S100Z: variants seen among roughly 807,000 people sequenced by gnomAD.
The protein encoded by S100Z is protein S100-Z.
S100Z carries 11 observed loss-of-function variants against 8.5 expected under a neutral mutation model. The ratio of observed to expected loss-of-function variants is 1.30; its 90% confidence interval spans 0.82 to 2.15. The LOEUF (loss-of-function observed/expected upper bound fraction) is 2.15. S100Z is among the 30% of genes most tolerant of loss of function. S100Z has a pLI of 0.00. For missense variants in S100Z, 126 were observed against 117.9 expected (o/e 1.07, Z -0.32); for synonymous variants, 34 against 43.8 (o/e 0.78, Z 0.89).
intron 4 of S100Z, among the ~76,000 whole-genome samples, chr5:76,919,080 C>T (rs528904548): frequency 6.6e-6 from 1 of 152,270 alleles, no homozygotes; most frequent in Admixed American, 6.5e-5. Context: ...GTTCATTTAT[C>T]TAATTACCCA....
At chr5:76,931,444 CT>C in the S100Z span, among the ~76,000 whole-genome samples, 1 of 152,062 alleles carries the variant, frequency 6.6e-6, no homozygotes, top group South Asian at 2.1e-4. Context: ...GGACAATAAT[CT>C]CATCATGAGG....
chr5:76,892,107 T>C (rs1237995892), intron 4 of S100Z, among the ~76,000 whole-genome samples: 1 of 152,194 alleles, frequency 6.6e-6, no homozygotes, highest in Non-Finnish European at 1.5e-5. Flanking sequence ...ACTGGAACTC[T>C]GATTGTTAAA....
the S100Z span, among the ~76,000 whole-genome samples, chr5:76,935,930 C>T: frequency 2.6e-5 from 4 of 152,054 alleles, no homozygotes; most frequent in African/African-American, 7.2e-5. Context: ...GTGCACACCA[C>T]CACACCGGGC....
the S100Z span, among the ~76,000 whole-genome samples, chr5:76,928,356 T>C: frequency 0.089 from 13,545 of 152,280 alleles, 1,002 homozygotes; most frequent in African/African-American, 0.2. Context: ...GTAGAATCAA[T>C]TGTAAGTGCC....
chr5:76,854,203 G>A (rs1022694487), intron 1 of S100Z, among the ~76,000 whole-genome samples: 1 of 152,206 alleles, frequency 6.6e-6, no homozygotes, highest in South Asian at 2.1e-4. Context: ...GTACCAAGGA[G>A]TGGGGCATTG....
At chr5:76,933,093 T>G in the S100Z span, among the ~76,000 whole-genome samples, 3 of 152,232 alleles carry the variant, frequency 2.0e-5, no homozygotes, top group Admixed American at 2.0e-4. Flanking sequence ...GATAAAGTTT[T>G]AGAGTCCACA....
chr5:76,906,296 T>G (rs1031999580), intron 4 of S100Z, among the ~76,000 whole-genome samples: 2 of 152,202 alleles, frequency 1.3e-5, no homozygotes, highest in African/African-American at 4.8e-5. Flanking sequence ...ACACTTAAAA[T>G]CTAATCTCTT....
rs1480240813 is a variant in S100Z at position 76,921,321 on chromosome 5, A to G, written c.*607A>G. ...ATAGATTATTTCTAATTTTTCTATT[A>G]ATAATACTAAGGGAGCTTTTAAGTC... On this transcript the variant is annotated 3_prime_UTR_variant, in exon 5 of 5. Coordinates refer to ENST00000317593, the MANE Select transcript of S100Z (RefSeq NM_130772.4). 6.6e-6 allele frequency: 1 copy of G among 152,210 alleles called. No individual in the cohort carries two copies. The highest frequency in any genetic ancestry group is 1.5e-5 in the Non-Finnish European group (1 of 68,038). 9.4% of individuals were successfully genotyped at this position (152,210 alleles called of 1,614,324 possible).
intron 4 of S100Z, among the ~76,000 whole-genome samples, chr5:76,890,737 A>G (rs76811190): frequency 0.014 from 2,156 of 152,314 alleles, 64 homozygotes; most frequent in East Asian, 0.12. Context: ...GTCCAAGGGC[A>G]TGAGATGGAG....
chr5:76,876,181 T>G (rs1029064849), intron 3 of S100Z, among the ~76,000 whole-genome samples: 54 of 152,322 alleles, frequency 3.5e-4, no homozygotes, highest in African/African-American at 1.2e-3. Flanking sequence ...GCTACCCTCG[T>G]GTGATGTTAT....
the S100Z span, among the ~76,000 whole-genome samples, chr5:76,935,643 C>G: frequency 6.6e-6 from 1 of 151,942 alleles, no homozygotes; most frequent in Non-Finnish European, 1.5e-5. Context: ...GCCTCTGATA[C>G]TAGATGTGGT....
chr5:76,940,977 G>A, the S100Z span, among the ~76,000 whole-genome samples: 1 of 152,018 alleles, frequency 6.6e-6, no homozygotes, highest in Non-Finnish European at 1.5e-5. Context: ...GATCAGATTG[G>A]GTTATGGGTG....
chr5:76,924,905 T>G (rs1313046894), downstream of S100Z, among the ~76,000 whole-genome samples: 1 of 107,830 alleles, frequency 9.3e-6, no homozygotes, highest in Non-Finnish European at 1.9e-5. Flanking sequence ...AGAGCGAGAC[T>G]CTGTCTCAAA....
chr5:76,882,800 T>G (rs1221851477), intron 4 of S100Z, among the ~76,000 whole-genome samples: 1 of 152,084 alleles, frequency 6.6e-6, no homozygotes. Context: ...TCAGGGTCAG[T>G]CCAAGTGAAA....
rs376987535 is a variant in S100Z, at chr5:76,898,580, A to C, written c.*2+20746A>C. On this transcript the variant is annotated intron_variant, in intron 4 of 4. Transcript: ENST00000317593. ...AATGATCATATGGTTTTTATCCTTC[A>C]TTTTGTTGACATGATGTATCGCATT... Among the ~76,000 whole-genome samples the C allele has an allele frequency of 6.2e-4, 94 of 152,176 alleles. 1 individual carries two copies. Among genetic ancestry groups the C allele is most frequent in the African/African-American group, 2.1e-3 (87 of 41,504 alleles).
the S100Z span, among the ~76,000 whole-genome samples, chr5:76,934,867 G>GA: frequency 1 from 151,777 of 152,270 alleles, 75,662 homozygotes; most frequent in Middle Eastern, 1. Flanking sequence ...AAGACAATAA[G>GA]CTCTAGGAGT....
intron 4 of S100Z, among the ~76,000 whole-genome samples, chr5:76,909,840 G>C (rs753178238): frequency 2.6e-5 from 4 of 152,202 alleles, no homozygotes; most frequent in Non-Finnish European, 5.9e-5. Context: ...GCAAACCTTT[G>C]ATCTCACTTG....
At chr5:76,934,526 CAGT>C in the S100Z span, among the ~76,000 whole-genome samples, 7 of 152,330 alleles carry the variant, frequency 4.6e-5, no homozygotes, top group Middle Eastern at 0.01. Flanking sequence ...CCCAATGCAA[CAGT>C]ATTAAGAGGT....
chr5:76,851,527 C>G (rs1476252469), intron 1 of S100Z, among the ~76,000 whole-genome samples: 1 of 151,968 alleles, frequency 6.6e-6, no homozygotes, highest in Non-Finnish European at 1.5e-5. Flanking sequence ...AGAGAGGGGC[C>G]AGGAATAGCA....
Sources: allele counts gnomAD v4.1 joint callset (sites outside exome capture counted in the v4.1 genomes callset), GRCh38; gene constraint gnomAD v4.1.1; transcripts MANE v1.5; gene names NCBI Gene and HGNC (gene_info 2026-07-23, HGNC 2026-07-21).